GSK3B: variants seen among roughly 807,000 people sequenced by gnomAD.
The protein encoded by GSK3B is glycogen synthase kinase-3 beta.
GSK3B carries 15 observed loss-of-function variants against 56.4 expected under a neutral mutation model. That is an observed-to-expected ratio of 0.27 (90% CI 0.18 to 0.41). The LOEUF (loss-of-function observed/expected upper bound fraction) is 0.41. Ranked by LOEUF, GSK3B falls within the 10% of genes least tolerant of loss-of-function variation. The probability of loss-of-function intolerance (pLI) is 1.00; values close to 1 mark genes in which losing one functional copy is unlikely to be tolerated. For synonymous variants in GSK3B, 181 were observed against 188.9 expected, an observed-to-expected ratio of 0.96 and a Z score of 0.34; for missense variants, 300 against 513.4, an observed-to-expected ratio of 0.58 and a Z score of 4.02.
chr3:120,001,373 T>C (rs1559871207), intron 2 of GSK3B, among the ~76,000 whole-genome samples: 1 of 152,050 alleles, frequency 6.6e-6, no homozygotes, highest in South Asian at 2.1e-4. Context: ...TTCTACAAAA[T>C]AGTAATAACA....
At chr3:120,091,769 G>C (rs1272567151) in intron 1 of GSK3B, among the ~76,000 whole-genome samples, 1 of 151,852 alleles carries the variant, frequency 6.6e-6, no homozygotes, top group Non-Finnish European at 1.5e-5. Flanking sequence ...CCTGAAAGAT[G>C]CATAATCAGC....
intron 10 of GSK3B, among the ~76,000 whole-genome samples, chr3:119,838,228 A>C (rs1546753): frequency 0.46 from 69,692 of 151,634 alleles, 19,596 homozygotes; most frequent in Non-Finnish European, 0.61. Context: ...GTTGGAGGTT[A>C]CATGAGCTGA....
intron 1 of GSK3B, among the ~76,000 whole-genome samples, chr3:120,074,040 C>G (rs993945232): frequency 6.6e-6 from 1 of 152,114 alleles, no homozygotes; most frequent in Non-Finnish European, 1.5e-5. Flanking sequence ...TGCCGCTGCT[C>G]ACGACTGTAA....
intron 9 of GSK3B, 117 bp downstream of exon 9, chr3:119,863,302 C>T: frequency 2.5e-6 from 2 of 795,394 alleles, no homozygotes; most frequent in Non-Finnish European, 2.2e-6. Flanking sequence ...TTTCACCTAC[C>T]TAAGTACTTA....
chr3:119,866,573 A>C, intron 8 of GSK3B: 4 of 1,583,054 alleles, frequency 2.5e-6, no homozygotes, highest in Non-Finnish European at 3.5e-6. Flanking sequence ...TTTGGGAAAA[A>C]AAAATTAAGT....
At chr3:119,948,131 T>C (rs1366311386) in intron 2 of GSK3B, among the ~76,000 whole-genome samples, 1 of 152,102 alleles carries the variant, frequency 6.6e-6, no homozygotes, top group Non-Finnish European at 1.5e-5. Flanking sequence ...GAAGGACAAA[T>C]TACATAACAC....
At chr3:119,946,962 C>T (rs928706780) in intron 3 of GSK3B, among the ~76,000 whole-genome samples, 56 of 151,218 alleles carry the variant, frequency 3.7e-4, no homozygotes, top group African/African-American at 1.0e-3. Context: ...CAGAGGGCTG[C>T]GTAAGCACAT....
intron 1 of GSK3B, among the ~76,000 whole-genome samples, chr3:120,079,143 T>C (rs1420666853): frequency 6.6e-6 from 1 of 151,172 alleles, no homozygotes; most frequent in African/African-American, 2.4e-5. Context: ...GGTTTCACCA[T>C]GTTGGCCAGG....
chr3:120,065,480 T>C (rs1281137819), intron 1 of GSK3B, among the ~76,000 whole-genome samples: 2 of 152,076 alleles, frequency 1.3e-5, no homozygotes, highest in African/African-American at 4.8e-5. Flanking sequence ...TTGAAGAAGA[T>C]GCGGAGAAAT....
At chr3:120,043,506 GC>G (rs113766096) in intron 1 of GSK3B, among the ~76,000 whole-genome samples, 3,935 of 152,102 alleles carry the variant, frequency 0.026, 174 homozygotes, top group African/African-American at 0.089. Context: ...AAATACCTCT[GC>G]CCCTCCAGAA....
chr3:120,030,374 C>T (rs1270255336), intron 1 of GSK3B, among the ~76,000 whole-genome samples: 1 of 152,174 alleles, frequency 6.6e-6, no homozygotes, highest in Non-Finnish European at 1.5e-5. Flanking sequence ...GACCAGACTA[C>T]TCTTTCAACC....
At chr3:120,081,519 C>T (rs562498562) in intron 1 of GSK3B, among the ~76,000 whole-genome samples, 93 of 152,280 alleles carry the variant, frequency 6.1e-4, no homozygotes, top group African/African-American at 2.1e-3. Context: ...TGCACTCCAG[C>T]CTGGCAACAG....
intron 1 of GSK3B, among the ~76,000 whole-genome samples, chr3:120,066,258 C>T (rs577244655): frequency 6.1e-4 from 93 of 152,196 alleles, no homozygotes; most frequent in African/African-American, 2.1e-3. Context: ...TAAAAGGAAT[C>T]AGAACCCCTT....
At chr3:120,044,140 G>C (rs1559888960) in intron 1 of GSK3B, among the ~76,000 whole-genome samples, 1 of 152,212 alleles carries the variant, frequency 6.6e-6, no homozygotes, top group Non-Finnish European at 1.5e-5. Context: ...TCTACAGCTA[G>C]GAGTAATAAA....
intron 2 of GSK3B, among the ~76,000 whole-genome samples, chr3:119,959,506 C>CTTTT (rs34702117): frequency 1.1e-5 from 1 of 89,174 alleles, no homozygotes; most frequent in Non-Finnish European, 2.1e-5. Context: ...TTCTCTCTGA[C>CTTTT]TTTTTTTTTT....
intron 3 of GSK3B, among the ~76,000 whole-genome samples, chr3:119,932,699 G>A (rs1345217223): frequency 6.6e-6 from 1 of 151,804 alleles, no homozygotes; most frequent in Non-Finnish European, 1.5e-5. Flanking sequence ...TGACAATTTG[G>A]CAAATAAACA....
intron 2 of GSK3B, among the ~76,000 whole-genome samples, chr3:119,994,576 A>G (rs1002856042): frequency 2.0e-5 from 3 of 152,354 alleles, no homozygotes; most frequent in African/African-American, 7.2e-5. Context: ...AGAAGTGAAT[A>G]TCATCATTAA....
chr3:119,932,558 T>G (rs978729794), intron 3 of GSK3B, among the ~76,000 whole-genome samples: 1 of 151,786 alleles, frequency 6.6e-6, no homozygotes, highest in Non-Finnish European at 1.5e-5. Context: ...ACATGGGTAT[T>G]TCTGCAAATC....
chr3:119,912,780 A>G lies in GSK3B; in HGVS notation c.639T>C (p.Asn213=), dbSNP rs2056748060. ...AGTACCGAGAACAGATATACGAAAC[A>G]TTGGGTTCTCCTCGGACCAGCTGCT... The part of the protein sequence containing the change: ...SAKQLVRGEP[N]VSYICSRYYR... The change falls in exon 6 of 11, where the codon AAT becomes AAC. Residue 213 remains asparagine, a synonymous_variant. Coordinates refer to ENST00000264235, the MANE Select transcript of GSK3B (RefSeq NM_001146156.2). 1 of 1,600,236 alleles carries G rather than the reference A, an allele frequency of 6.2e-7. No individual in the cohort carries two copies. Among genetic ancestry groups the G allele is most frequent in the Non-Finnish European group, 8.6e-7 (1 of 1,169,396 alleles).
Sources: allele counts gnomAD v4.1 joint callset (sites outside exome capture counted in the v4.1 genomes callset), GRCh38; gene constraint gnomAD v4.1.1; transcripts MANE v1.5; gene names NCBI Gene and HGNC (gene_info 2026-07-23, HGNC 2026-07-21).